Variants in KLF11 observed in about 807,000 individuals in gnomAD.
KLF11 encodes KLF transcription factor 11, also known as Krueppel-like factor 11.
A neutral mutation model predicts 29.9 loss-of-function variants in KLF11; 26 were observed. The observed-to-expected ratio is 0.87, with a 90% CI of 0.64 to 1.21. KLF11 has a LOEUF of 1.21. Ranked by LOEUF, KLF11 falls within the 50% of genes most tolerant of loss-of-function variation. KLF11 has a pLI of 0.00. For synonymous variants in KLF11, 318 were observed against 257.4 expected, an observed-to-expected ratio of 1.24 and a Z score of -2.25; for missense variants, 778 against 665.7, an observed-to-expected ratio of 1.17 and a Z score of -1.86.
Position 10,052,630 on chromosome 2 carries a change from G to A in KLF11, c.*123G>A, listed in dbSNP as rs1661443614. On this transcript the variant is annotated 3_prime_UTR_variant, in exon 4 of 4. Coordinates refer to ENST00000305883, the MANE Select transcript of KLF11 (RefSeq NM_003597.5). ...GGTCTTGGCGGCCTAGGGGAAGATC[G>A]GGGAGCTGGTTTTGATGAAAGTATG... The A allele has an allele frequency of 4.1e-6, 4 of 972,594 alleles. No homozygotes were observed. Among genetic ancestry groups the A allele is most frequent in the Non-Finnish European group, 6.3e-6 (4 of 634,860 alleles). 60.2% of individuals were successfully genotyped at this position (972,594 alleles called of 1,614,324 possible).
At chr2:10,044,574 C>A in intron 1 of KLF11, 1 of 326,518 alleles carries the variant, frequency 3.1e-6, no homozygotes, top group Non-Finnish European at 4.4e-6. Context: ...CCTCGGCAGA[C>A]GGAAAGCTTT....
chr2:10,048,824 A>G (rs1572442124), intron 3 of KLF11, among the ~76,000 whole-genome samples: 1 of 150,566 alleles, frequency 6.6e-6, no homozygotes, highest in Admixed American at 6.6e-5. Context: ...AAAATGTAGT[A>G]TAGTTCTGTG....
chr2:10,052,381 G>A lies in KLF11; in HGVS notation c.1413G>A (p.Lys471=). 6.2e-7 allele frequency: 1 copy of A among 1,614,126 alleles called. No individual in the cohort carries two copies. Among genetic ancestry groups the A allele is most frequent in the Non-Finnish European group, 8.5e-7 (1 of 1,180,020 alleles). Reference sequence around the variant, plus strand: ...TCATGCGCAGTGACCACCTGACGAAGCATGCCCGGCGCCACATGACGACCA... The same window carrying A: ...TCATGCGCAGTGACCACCTGACGAAACATGCCCGGCGCCACATGACGACCA... ...RRFMRSDHLT[K]HARRHMTTKK... is the part of the protein sequence containing the mutation. Residue 471 remains lysine, a synonymous_variant, in exon 4 of 4, where the codon AAG becomes AAA. Transcript: ENST00000305883.
chr2:10,048,603 C>G lies in KLF11; in HGVS notation c.1258+8C>G. On this transcript the variant is annotated splice_region_variant and intron_variant, in intron 3 of 3. Coordinates refer to ENST00000305883, the MANE Select transcript of KLF11 (RefSeq NM_003597.5). The stretch of plus-strand genomic sequence containing the variant: ...ATCTTCGCACTCACACAGGTAAGCG[C>G]TGGGGCAGGTGGGGCATTGGGCACA... 1.3e-6 allele frequency: 2 copies of G among 1,594,268 alleles called. No individual in the cohort carries two copies. Among genetic ancestry groups the G allele is most frequent in the Non-Finnish European group, 1.7e-6 (2 of 1,174,072 alleles).
chr2:10,047,511 T>C (rs1661245246), intron 2 of KLF11, 139 bp from the exon 3 acceptor site: 1 of 789,844 alleles, frequency 1.3e-6, no homozygotes, highest in Non-Finnish European at 2.1e-6. Context: ...TCATGCAGCC[T>C]TGAAACCCAC....
chr2:10,044,140 CTGGCGGGAACGCGGCACGGTTTTGG>C (rs1661100280), intron 1 of KLF11: 2 of 143,786 alleles, frequency 1.4e-5, no homozygotes. Flanking sequence ...GCAAGAGCTG[CTGGCGGGAACGCGGCACGGTTTTGG>C]GGGCGGGGCA....
intron 2 of KLF11, among the ~76,000 whole-genome samples, chr2:10,046,779 C>T (rs1024485572): frequency 3.9e-5 from 6 of 152,158 alleles, no homozygotes; most frequent in Non-Finnish European, 5.9e-5. Flanking sequence ...CGCTTGAACC[C>T]GGGAGGCGGA....
In KLF11 at chr2:10,048,542, G is replaced by A. The variant is rs34762805; in HGVS notation, c.1205G>A (p.Arg402Gln). The A allele has an allele frequency of 1.9e-4, 308 of 1,610,334 alleles. No individual in the cohort carries two copies. The African/African-American group carries it at 3.1e-3, about 16-fold the overall frequency. The part of the protein sequence containing the change: ...RNYVCSFPGC[R>Q]KTYFKSSHLK... The stretch of plus-strand genomic sequence containing the variant: ...TATGTATGCAGCTTCCCAGGTTGCC[G>A]GAAGACCTACTTCAAAAGTTCCCAC... Residue 402 changes from arginine to glutamine, a missense_variant, in exon 3 of 4, where the codon CGG becomes CAG. Physicochemically the swap from Arg to Gln is conservative, Grantham distance 43. Transcript: ENST00000305883.
chr2:10,045,518 G>A (rs892672687), intron 1 of KLF11, among the ~76,000 whole-genome samples: 13 of 152,160 alleles, frequency 8.5e-5, no homozygotes, highest in African/African-American at 2.9e-4. Context: ...ACTGCAAAGA[G>A]ATCCTCTCCG....
chr2:10,052,060 A>G (rs1430227903), intron 3 of KLF11, among the ~76,000 whole-genome samples, 167 bp from the exon 4 acceptor site: 1 of 152,180 alleles, frequency 6.6e-6, no homozygotes, highest in Non-Finnish European at 1.5e-5. Context: ...GGGAGGAATA[A>G]ATGCCTTTTG....
intron 3 of KLF11, among the ~76,000 whole-genome samples, chr2:10,049,709 C>T (rs1393581642): frequency 6.6e-6 from 1 of 152,162 alleles, no homozygotes; most frequent in African/African-American, 2.4e-5. Context: ...CTTCTTTGAC[C>T]CTAGTGGTTT....
At chr2:10,046,114 C>T (rs1024336951) in intron 1 of KLF11, 36 bp from the exon 2 acceptor site, 10 of 1,612,356 alleles carry the variant, frequency 6.2e-6, no homozygotes, top group Middle Eastern at 2.1e-4. Flanking sequence ...TGTATTTCCC[C>T]TGCACTGAGA....
At chr2:10,051,757 T>A (rs372307534) in intron 3 of KLF11, among the ~76,000 whole-genome samples, 5 of 151,900 alleles carry the variant, frequency 3.3e-5, no homozygotes, top group African/African-American at 1.2e-4. Context: ...GACTTTGTGA[T>A]CCGCCCGCCT....
intron 1 of KLF11, 177 bp downstream of exon 1, chr2:10,043,935 C>T (rs974441505): frequency 6.0e-6 from 6 of 1,000,662 alleles, no homozygotes; most frequent in East Asian, 9.4e-5. Context: ...GCGGCCGCGA[C>T]GGGCGCGCCC....
At chr2:10,047,553 C>G in intron 2 of KLF11, 97 bp from the exon 3 acceptor site, 4 of 1,050,676 alleles carry the variant, frequency 3.8e-6, no homozygotes, top group South Asian at 2.6e-5. Context: ...AACTGAGTGT[C>G]TAGATGATTC....
intron 1 of KLF11, 75 bp downstream of exon 1, chr2:10,043,833 G>T: frequency 7.8e-7 from 1 of 1,290,068 alleles, no homozygotes; most frequent in South Asian, 1.4e-5. Flanking sequence ...TGCGGCACTC[G>T]CGCGCCTGTA....
rs1338268268 is a variant in KLF11, at chr2:10,052,781, CAA to C, written c.*276_*277del. 6 of 447,902 alleles carry C rather than the reference CAA, an allele frequency of 1.3e-5. No homozygotes were observed. The allele number at this position is 447,902 out of a possible 1,614,324, so 27.7% of individuals were successfully genotyped here. On this transcript the variant is annotated 3_prime_UTR_variant, in exon 4 of 4. Transcript: ENST00000305883. ...ATAATCTGAATCACCAGCATTCAAA[CAA>C]ATATTTCGGCAATAAAGTTTACAAA...
intron 3 of KLF11, among the ~76,000 whole-genome samples, 172 bp downstream of exon 3, chr2:10,048,767 T>G (rs915034598): frequency 1.3e-5 from 2 of 152,180 alleles, no homozygotes; most frequent in Non-Finnish European, 2.9e-5. Flanking sequence ...TGGGATTGTT[T>G]GCACAGCCAT....
chr2:10,046,463 G>C, intron 2 of KLF11, 44 bp downstream of exon 2: 1 of 1,601,070 alleles, frequency 6.2e-7, no homozygotes, highest in Non-Finnish European at 8.5e-7. Context: ...GAAATGACTA[G>C]AGTAGCTGAA....
Sources: allele counts gnomAD v4.1 joint callset (sites outside exome capture counted in the v4.1 genomes callset), GRCh38; gene constraint gnomAD v4.1.1; transcripts MANE v1.5; gene names NCBI Gene and HGNC (gene_info 2026-07-23, HGNC 2026-07-21).